Variants in CPS1 observed in about 807,000 individuals in gnomAD.
CPS1 encodes carbamoyl-phosphate synthase 1.
In CPS1, 109 loss-of-function variants were observed where a neutral mutation model predicts 174.6. The observed-to-expected ratio is 0.62, with a 90% CI of 0.53 to 0.73. The LOEUF (loss-of-function observed/expected upper bound fraction) is 0.73. Among genes scored for constraint, CPS1 ranks in the 30% least tolerant of loss-of-function variants. The pLI is 0.00. For synonymous variants in CPS1, 637 were observed against 632.0 expected (o/e 1.01, Z -0.12); for missense variants, 1,689 against 1,821.9 (o/e 0.93, Z 1.33).
intron 15 of CPS1, 146 bp downstream of exon 15, chr2:210,600,858 T>A (rs1300646996): frequency 2.2e-6 from 2 of 925,394 alleles, no homozygotes; most frequent in Non-Finnish European, 1.7e-6. Flanking sequence ...TTAGAAATAT[T>A]GTGTATTACA....
chr2:210,674,484 C>CAAAAAA (rs771522432), intron 34 of CPS1: 19 of 74,766 alleles, frequency 2.5e-4, no homozygotes, highest in South Asian at 3.7e-4. Context: ...AAAAAAAAAC[C>CAAAAAA]AAAAAAAAAA....
chr2:210,486,587 C>T (rs566191964), intron 1 of CPS1, among the ~76,000 whole-genome samples: 2 of 152,086 alleles, frequency 1.3e-5, no homozygotes, highest in Non-Finnish European at 2.9e-5. Flanking sequence ...CGCGGCTTAC[C>T]GCAACCTCCG....
chr2:210,482,026 G>A (rs189316790), intron 1 of CPS1, among the ~76,000 whole-genome samples: 22 of 152,332 alleles, frequency 1.4e-4, no homozygotes, highest in African/African-American at 4.6e-4. Context: ...CACCTGGGCT[G>A]AGCCTCAAAG....
intron 1 of CPS1, among the ~76,000 whole-genome samples, chr2:210,513,182 ATCTCTC>A (rs373190893): frequency 3.5e-5 from 5 of 144,106 alleles, no homozygotes; most frequent in Non-Finnish European, 7.6e-5. Flanking sequence ...ATATATATAT[ATCTCTC>A]TCTCTCCATA....
chr2:210,623,869 G>T (rs879888951), intron 21 of CPS1, among the ~76,000 whole-genome samples: 1 of 152,078 alleles, frequency 6.6e-6, no homozygotes, highest in Non-Finnish European at 1.5e-5. Context: ...GCTTATGCTT[G>T]ATTGAAGTTT....
intron 1 of CPS1, among the ~76,000 whole-genome samples, chr2:210,544,809 G>T (rs983663345): frequency 1.4e-4 from 22 of 152,114 alleles, no homozygotes; most frequent in South Asian, 4.1e-4. Flanking sequence ...GTTATATTTA[G>T]TCTTAAAGTT....
chr2:210,667,911 A>G (rs1321212008), intron 33 of CPS1, among the ~76,000 whole-genome samples: 1 of 152,224 alleles, frequency 6.6e-6, no homozygotes, highest in African/African-American at 2.4e-5. Context: ...GTTGTTGGAT[A>G]GAAAAAGAAT....
chr2:210,653,042 A>C (rs745330049), intron 28 of CPS1, among the ~76,000 whole-genome samples: 5 of 152,166 alleles, frequency 3.3e-5, no homozygotes, highest in Non-Finnish European at 7.3e-5. Flanking sequence ...GGTCAGAAGG[A>C]GTTTGTGTTC....
At chr2:210,570,048 C>G (rs1336937853) in intron 1 of CPS1, among the ~76,000 whole-genome samples, 1 of 151,846 alleles carries the variant, frequency 6.6e-6, no homozygotes, top group African/African-American at 2.4e-5. Flanking sequence ...AGAAAGGATT[C>G]CAAATAATAG....
intron 1 of CPS1, among the ~76,000 whole-genome samples, chr2:210,567,250 T>C (rs1462372610): frequency 1.3e-5 from 2 of 152,130 alleles, no homozygotes; most frequent in Non-Finnish European, 2.9e-5. Flanking sequence ...TACGTTATCT[T>C]TAATTACTAT....
intron 1 of CPS1, among the ~76,000 whole-genome samples, chr2:210,507,596 A>G (rs1294578200): frequency 2.0e-5 from 3 of 151,594 alleles, no homozygotes; most frequent in African/African-American, 4.8e-5. Context: ...TTGGATAAAG[A>G]GTCAAGACCC....
chr2:210,656,693 GTTT>G (rs61108700), intron 30 of CPS1, 61 bp downstream of exon 30: 89 of 879,010 alleles, frequency 1.0e-4, no homozygotes, highest in Non-Finnish European at 1.3e-4. Flanking sequence ...AACACCTAAG[GTTT>G]TTTTTTTTTT....
At chr2:210,618,000 T>C (rs1243306291) in intron 21 of CPS1, 2 of 152,024 alleles carry the variant, frequency 1.3e-5, no homozygotes, top group Non-Finnish European at 2.9e-5. Flanking sequence ...GCAGATGTTA[T>C]TGTGATTTAA....
chr2:210,535,765 T>C (rs1162473117), intron 1 of CPS1, among the ~76,000 whole-genome samples: 1 of 151,998 alleles, frequency 6.6e-6, no homozygotes, highest in African/African-American at 2.4e-5. Flanking sequence ...TAGCACTTTC[T>C]CTTTTTTACT....
chr2:210,538,094 A>G (rs1335553434), intron 1 of CPS1, among the ~76,000 whole-genome samples: 1 of 152,192 alleles, frequency 6.6e-6, no homozygotes, highest in Non-Finnish European at 1.5e-5. Context: ...TCTCTTCTAC[A>G]TTAGCCACTT....
chr2:210,485,320 T>G (rs1694687270), intron 1 of CPS1, among the ~76,000 whole-genome samples: 1 of 152,040 alleles, frequency 6.6e-6, no homozygotes, highest in Non-Finnish European at 1.5e-5. Flanking sequence ...TACCATTTCA[T>G]AAGTTTTGAC....
intron 21 of CPS1, among the ~76,000 whole-genome samples, chr2:210,626,040 A>G (rs1699689649): frequency 6.6e-6 from 1 of 152,076 alleles, no homozygotes; most frequent in Non-Finnish European, 1.5e-5. Flanking sequence ...CCCCAATTAA[A>G]TTGTGATTTT....
At chr2:210,653,921 C>G in intron 28 of CPS1, 104 bp from the exon 29 acceptor site, 1 of 869,384 alleles carries the variant, frequency 1.2e-6, no homozygotes, top group Non-Finnish European at 2.0e-6. Context: ...GAGTATTTTG[C>G]AAGTATTGCC....
intron 1 of CPS1, among the ~76,000 whole-genome samples, chr2:210,480,235 A>G (rs983772618): frequency 1.3e-5 from 2 of 152,186 alleles, no homozygotes; most frequent in African/African-American, 4.8e-5. Context: ...GCACACCCAG[A>G]GAAGTGCACA....
Sources: allele counts gnomAD v4.1 joint callset (sites outside exome capture counted in the v4.1 genomes callset), GRCh38; gene constraint gnomAD v4.1.1; transcripts MANE v1.5; gene names NCBI Gene and HGNC (gene_info 2026-07-23, HGNC 2026-07-21).